The following SMARCC1 variants were observed in gnomAD, a reference collection of about 807,000 sequenced individuals.
SMARCC1 encodes the protein SWI/SNF related BAF chromatin remodeling complex subunit C1, also known as SWI/SNF complex subunit SMARCC1.
A neutral mutation model predicts 147.4 loss-of-function variants in SMARCC1; 43 were observed. That is an observed-to-expected ratio of 0.29 (90% CI 0.23 to 0.38). SMARCC1 has a LOEUF of 0.38. Among genes scored for constraint, SMARCC1 ranks in the 10% least tolerant of loss-of-function variants. The pLI is 1.00. For missense variants in SMARCC1, 1,119 were observed against 1,381.1 expected, an observed-to-expected ratio of 0.81 and a Z score of 3.01; for synonymous variants, 495 against 484.4, an observed-to-expected ratio of 1.02 and a Z score of -0.29.
chr3:47,755,820 T>C lies in SMARCC1; in HGVS notation c.316-9827A>G, dbSNP rs7645717. On this transcript the variant is annotated intron_variant, in intron 2 of 27. Coordinates refer to ENST00000254480, the MANE Select transcript of SMARCC1 (RefSeq NM_003074.4). ...AGCCTGACCAACATGGTGAAACACGTCTCTACTAAAAATACAAAAAGTAGC... is the reference window on the plus strand; with the variant it reads ...AGCCTGACCAACATGGTGAAACACGCCTCTACTAAAAATACAAAAAGTAGC... Among the ~76,000 whole-genome samples, 597 of 151,052 alleles carry C rather than the reference T, an allele frequency of 4.0e-3. 4 individuals carry two copies. Among genetic ancestry groups the C allele is most frequent in the African/African-American group, 0.014 (561 of 41,218 alleles).
intron 26 of SMARCC1, among the ~76,000 whole-genome samples, chr3:47,605,848 C>T (rs558106011): frequency 2.6e-5 from 4 of 152,234 alleles, no homozygotes; most frequent in Admixed American, 1.3e-4. Flanking sequence ...TAACATTCAA[C>T]CAGCCCAACT....
intron 3 of SMARCC1, among the ~76,000 whole-genome samples, chr3:47,742,695 ACCT>A (rs1332283993): frequency 6.6e-6 from 1 of 152,174 alleles, no homozygotes; most frequent in East Asian, 1.9e-4. Flanking sequence ...TGATCCTCCC[ACCT>A]CAGCATCCGG....
At chr3:47,664,761 A>G (rs1322266722) in intron 19 of SMARCC1, among the ~76,000 whole-genome samples, 1 of 152,130 alleles carries the variant, frequency 6.6e-6, no homozygotes, top group Non-Finnish European at 1.5e-5. Flanking sequence ...GGTTGACCCA[A>G]CTGGAGAAGT....
intron 25 of SMARCC1, among the ~76,000 whole-genome samples, chr3:47,618,965 G>A (rs75996116): frequency 0.01 from 1,551 of 152,176 alleles, 23 homozygotes; most frequent in African/African-American, 0.035. Context: ...TTTGAATCCC[G>A]CATATGCCAA....
chr3:47,678,145 T>G, intron 16 of SMARCC1, 53 bp downstream of exon 16: 4 of 1,028,096 alleles, frequency 3.9e-6, no homozygotes, highest in Non-Finnish European at 5.9e-6. Flanking sequence ...TTAGACAGCA[T>G]GCATAAGTAA....
At chr3:47,616,918 C>T (rs1272843089) in intron 25 of SMARCC1, among the ~76,000 whole-genome samples, 1 of 152,052 alleles carries the variant, frequency 6.6e-6, no homozygotes, top group African/African-American at 2.4e-5. Context: ...AAATGTTATC[C>T]TAAAGCTACT....
rs925253069 is a variant in SMARCC1, at chr3:47,686,291, T to C, written c.1264-121A>G. On this transcript the variant is annotated intron_variant, in intron 13 of 27. Transcript: ENST00000254480. ...GAAGCTCCCCGATTCGATCAGATAT[T>C]TGAAAAACAAATTTCAAGTAAAAAC... The C allele has an allele frequency of 2.5e-4, 190 of 769,430 alleles. 1 individual carries two copies. In the East Asian group the frequency reaches 4.8e-3, roughly 20 times the overall value. 47.7% of individuals were successfully genotyped at this position (769,430 alleles called of 1,614,324 possible). A position where few individuals can be genotyped will look rare whatever the true frequency, so the allele number is the denominator to read the frequency against.
At chr3:47,713,318 A>T (rs2034113760) in intron 8 of SMARCC1, among the ~76,000 whole-genome samples, 3 of 146,622 alleles carry the variant, frequency 2.0e-5, no homozygotes. Flanking sequence ...ACTCCGTCTC[A>T]AAATAAATAA....
chr3:47,727,515 A>T (rs1254780341), intron 6 of SMARCC1, among the ~76,000 whole-genome samples: 1 of 152,174 alleles, frequency 6.6e-6, no homozygotes, highest in Non-Finnish European at 1.5e-5. Context: ...CTCAAAAAAA[A>T]AATTGTACTG....
chr3:47,682,536 C>T (rs1014707877), intron 14 of SMARCC1, among the ~76,000 whole-genome samples: 4 of 152,120 alleles, frequency 2.6e-5, no homozygotes, highest in African/African-American at 4.8e-5. Flanking sequence ...TGATTACAGA[C>T]AAGAGCCATA....
intron 14 of SMARCC1, among the ~76,000 whole-genome samples, chr3:47,683,014 C>A (rs144044093): frequency 2.3e-3 from 350 of 152,286 alleles, no homozygotes; most frequent in Non-Finnish European, 3.8e-3. Context: ...TTACTGAAAA[C>A]ATCCAGAAAT....
At chr3:47,711,538 T>C (rs369664881) in intron 8 of SMARCC1, among the ~76,000 whole-genome samples, 3 of 152,326 alleles carry the variant, frequency 2.0e-5, no homozygotes, top group East Asian at 1.9e-4. Context: ...GAGGTTTAAG[T>C]TGGAGTAGTG....
At chr3:47,660,444 T>TAAAA (rs71070206) in intron 21 of SMARCC1, among the ~76,000 whole-genome samples, 3 of 67,350 alleles carry the variant, frequency 4.5e-5, no homozygotes, top group African/African-American at 2.2e-4. Flanking sequence ...AGACTCTGTC[T>TAAAA]AAAAAAAAAA....
intron 11 of SMARCC1, 130 bp from the exon 12 acceptor site, chr3:47,693,430 C>G (rs2106777855): frequency 1.6e-6 from 1 of 615,522 alleles, no homozygotes; most frequent in East Asian, 2.8e-5. Flanking sequence ...AATACACTTT[C>G]AGGTAAAAAT....
intron 2 of SMARCC1, among the ~76,000 whole-genome samples, chr3:47,760,318 T>TA (rs1392488639): frequency 6.0e-5 from 9 of 150,760 alleles, no homozygotes; most frequent in Admixed American, 2.0e-4. Flanking sequence ...TCAAAAAAAT[T>TA]AAAAAAAAGA....
intron 5 of SMARCC1, among the ~76,000 whole-genome samples, chr3:47,731,816 G>C (rs772317521): frequency 5.9e-4 from 90 of 152,286 alleles, no homozygotes; most frequent in Admixed American, 2.3e-3. Context: ...TGTCATCTAG[G>C]CTTTGCTGTT....
rs375433775 is a variant in SMARCC1 at position 47,640,177 on chromosome 3, T to G, written c.2321-1397A>C. On this transcript the variant is annotated intron_variant, in intron 21 of 27. Coordinates refer to ENST00000254480, the MANE Select transcript of SMARCC1 (RefSeq NM_003074.4). ...TCAGAAAAGAAATAAAGGCTCAAAGTATATGAGCTCCATGTCCTTTATGAG... is the reference window on the plus strand; with the variant it reads ...TCAGAAAAGAAATAAAGGCTCAAAGGATATGAGCTCCATGTCCTTTATGAG... Among the ~76,000 whole-genome samples, 4 of 151,942 alleles carry G rather than the reference T, an allele frequency of 2.6e-5. No individual in the cohort carries two copies. In the East Asian group the frequency reaches 5.8e-4, roughly 22 times the overall value.
intron 2 of SMARCC1, among the ~76,000 whole-genome samples, chr3:47,767,189 GAAAAAAAAAAAA>G (rs375076788): frequency 2.5e-5 from 2 of 80,176 alleles, no homozygotes; most frequent in Admixed American, 2.0e-4. Flanking sequence ...TCTCCAAAAA[GAAAAAAAAAAAA>G]AAAAAAAAAG....
At chr3:47,709,165 G>A (rs561858747) in intron 9 of SMARCC1, among the ~76,000 whole-genome samples, 1 of 151,994 alleles carries the variant, frequency 6.6e-6, no homozygotes, top group Non-Finnish European at 1.5e-5. Context: ...GGAAGCTGAG[G>A]CAGGAGAATT....
Sources: allele counts gnomAD v4.1 joint callset (sites outside exome capture counted in the v4.1 genomes callset), GRCh38; gene constraint gnomAD v4.1.1; transcripts MANE v1.5; gene names NCBI Gene and HGNC (gene_info 2026-07-23, HGNC 2026-07-21).